OR3A2: variants seen among roughly 807,000 people sequenced by gnomAD.
OR3A2 encodes the protein olfactory receptor 3A2.
For synonymous variants in OR3A2, 126 were observed against 159.3 expected (o/e 0.79, Z 1.57); for missense variants, 318 against 392.8 (o/e 0.81, Z 1.61).
At chr17:3,288,742 C>A (rs2048837954), upstream of OR3A2, among the ~76,000 whole-genome samples, 1 of 152,118 alleles carries the variant, frequency 6.6e-6, no homozygotes, top group East Asian at 1.9e-4. Context: ...TTGGCAAATA[C>A]AAAGGCAGAA....
intron 1 of OR3A2, among the ~76,000 whole-genome samples, chr17:3,283,505 G>A (rs9899513): frequency 0.18 from 27,465 of 152,112 alleles, 3,070 homozygotes; most frequent in African/African-American, 0.3. Context: ...GATTACAGGC[G>A]TAAGTCACTG....
intron 2 of OR3A2, among the ~76,000 whole-genome samples, chr17:3,360,140 G>T (rs925525956): frequency 2.6e-5 from 4 of 151,822 alleles, no homozygotes; most frequent in African/African-American, 9.7e-5. Flanking sequence ...ATATCTCATT[G>T]TGGTTTTAAT....
At chr17:3,288,246 C>CAAAAAAAAAAAAAAAAAAAAAACA, upstream of OR3A2, among the ~76,000 whole-genome samples, 1 of 73,486 alleles carries the variant, frequency 1.4e-5, no homozygotes, top group Non-Finnish European at 2.8e-5. Context: ...ACCAAAAGGG[C>CAAAAAAAAAAAAAAAAAAAAAACA]AAAAAAAAAA....
intron 2 of OR3A2, among the ~76,000 whole-genome samples, chr17:3,349,583 G>A (rs191218599): frequency 4.6e-4 from 70 of 152,130 alleles, no homozygotes; most frequent in African/African-American, 1.6e-3. Flanking sequence ...ATTAATAATA[G>A]GAGACTTTAA....
intron 2 of OR3A2, among the ~76,000 whole-genome samples, chr17:3,349,877 C>A (rs2049404228): frequency 6.6e-6 from 1 of 152,092 alleles, no homozygotes; most frequent in South Asian, 2.1e-4. Flanking sequence ...GATTAAGAAT[C>A]TCACTCAAAA....
At chr17:3,288,368 T>C (rs552168440), upstream of OR3A2, among the ~76,000 whole-genome samples, 1 of 152,046 alleles carries the variant, frequency 6.6e-6, no homozygotes, top group Non-Finnish European at 1.5e-5. Context: ...CCTGCATACA[T>C]GGCAGTGGTC....
chr17:3,338,511 C>A (rs1461370117), intron 2 of OR3A2, among the ~76,000 whole-genome samples: 3 of 152,148 alleles, frequency 2.0e-5, no homozygotes. Flanking sequence ...TTTCTCAGCA[C>A]CATTTATTAA....
exon 2 of OR3A2, chr17:3,278,424 G>C: frequency 6.2e-7 from 1 of 1,614,214 alleles, no homozygotes; most frequent in African/African-American, 1.3e-5. Flanking sequence ...CGTGGACATG[G>C]CCACAGTGTG....
At chr17:3,345,716 G>A (rs2150650312) in intron 2 of OR3A2, among the ~76,000 whole-genome samples, 1 of 152,002 alleles carries the variant, frequency 6.6e-6, no homozygotes, top group Non-Finnish European at 1.5e-5. Flanking sequence ...TTTTTAAAAA[G>A]GCCCCAAAGT....
chr17:3,293,026 G>A (rs552007029), intron 3 of OR3A2, among the ~76,000 whole-genome samples: 1 of 152,110 alleles, frequency 6.6e-6, no homozygotes, highest in African/African-American at 2.4e-5. Context: ...ACTAGTAAGT[G>A]TCCACAACCC....
chr17:3,339,724 T>C (rs1300623906), intron 2 of OR3A2, among the ~76,000 whole-genome samples: 1 of 152,174 alleles, frequency 6.6e-6, no homozygotes, highest in Non-Finnish European at 1.5e-5. Flanking sequence ...GGGATATTGG[T>C]CTAAAATTCT....
chr17:3,282,111 C>T (rs953522045), intron 1 of OR3A2, among the ~76,000 whole-genome samples: 7 of 152,268 alleles, frequency 4.6e-5, no homozygotes, highest in East Asian at 3.9e-4. Flanking sequence ...CCTCCACCTA[C>T]GCTTAGAATC....
rs191232614 is a variant in OR3A2, at chr17:3,324,242, T to A, written c.-85+11791A>T. Among the ~76,000 whole-genome samples, 39 of 152,216 alleles carry A rather than the reference T, an allele frequency of 2.6e-4. 2 individuals carry two copies. The highest frequency in any genetic ancestry group is 8.7e-4 in the African/African-American group (36 of 41,506). Reference sequence around the variant, plus strand: ...TTAAGGACTTCTCTGCATTGGTTGTTCTAGTTATCCATTCGTCTTGATTTT... The same window carrying A: ...TTAAGGACTTCTCTGCATTGGTTGTACTAGTTATCCATTCGTCTTGATTTT... On this transcript the variant is annotated intron_variant, in intron 3 of 4. Coordinates refer to the OR3A2 transcript ENST00000573491.
intron 2 of OR3A2, among the ~76,000 whole-genome samples, chr17:3,367,736 T>G (rs1367867358): frequency 6.6e-6 from 1 of 151,922 alleles, no homozygotes; most frequent in Admixed American, 6.6e-5. Context: ...TTTCACATAA[T>G]GACTTCTTTT....
At chr17:3,374,323 T>C (rs563943457) in intron 2 of OR3A2, among the ~76,000 whole-genome samples, 56 of 152,212 alleles carry the variant, frequency 3.7e-4, no homozygotes, top group Non-Finnish European at 7.6e-4. Flanking sequence ...TTTGAGCTTC[T>C]TGTATTTGGT....
chr17:3,286,691 T>G (rs2048816564), upstream of OR3A2, among the ~76,000 whole-genome samples: 1 of 152,226 alleles, frequency 6.6e-6, no homozygotes, highest in African/African-American at 2.4e-5. Context: ...GACGAGATTT[T>G]TTTCATGTTT....
At chr17:3,340,696 T>C (rs2049309443) in intron 2 of OR3A2, among the ~76,000 whole-genome samples, 1 of 152,106 alleles carries the variant, frequency 6.6e-6, no homozygotes. Flanking sequence ...ATGTGGTCAA[T>C]TTTGGAATAA....
chr17:3,313,877 GTTAT>G (rs1245304071), intron 3 of OR3A2, among the ~76,000 whole-genome samples: 6 of 152,174 alleles, frequency 3.9e-5, no homozygotes, highest in Non-Finnish European at 7.3e-5. Flanking sequence ...CATCTTGTGG[GTTAT>G]TTGATAGCAG....
At chr17:3,312,909 T>G (rs2049055659) in intron 3 of OR3A2, among the ~76,000 whole-genome samples, 1 of 152,070 alleles carries the variant, frequency 6.6e-6, no homozygotes, top group African/African-American at 2.4e-5. Context: ...CAGGTGTGAG[T>G]CACTGCACCT....
Sources: allele counts gnomAD v4.1 joint callset (sites outside exome capture counted in the v4.1 genomes callset), GRCh38; gene constraint gnomAD v4.1.1; transcripts MANE v1.5; gene names NCBI Gene and HGNC (gene_info 2026-07-23, HGNC 2026-07-21).